SMPD1: variants seen among roughly 807,000 people sequenced by gnomAD.
SMPD1 encodes sphingomyelin phosphodiesterase.
A neutral mutation model predicts 49.7 loss-of-function variants in SMPD1; 47 were observed. The ratio of observed to expected loss-of-function variants is 0.95; its 90% CI spans 0.75 to 1.21. SMPD1 has a LOEUF of 1.21. SMPD1 is among the 50% of genes most tolerant of loss of function. The probability of loss-of-function intolerance (pLI) is 0.00; values close to 1 mark genes in which losing one functional copy is unlikely to be tolerated. For synonymous variants in SMPD1, 336 were observed against 339.6 expected, an observed-to-expected ratio of 0.99 and a Z score of 0.12; for missense variants, 811 against 822.2, an observed-to-expected ratio of 0.99 and a Z score of 0.17.
chr11:6,391,405 G>A lies in SMPD1; in HGVS notation c.340G>A (p.Val114Met), dbSNP rs142215226. 1,077 of 1,612,762 alleles carry A rather than the reference G, an allele frequency of 6.7e-4. No homozygotes were observed. Among genetic ancestry groups the A allele is most frequent in the Middle Eastern group, 3.2e-3 (16 of 5,012 alleles). ...GLKKEPNVAR[V>M]GSVAIKLCNL... The stretch of plus-strand genomic sequence containing the variant: ...GCAGAAGGAACCCAATGTGGCTCGC[G>A]TGGGCTCCGTGGCCATCAAGCTGTG... The change falls in exon 2 of 6, where the codon GTG becomes ATG. Residue 114 changes from valine to methionine, a missense_variant. Physicochemically the swap from Val to Met is conservative, Grantham distance 21. Coordinates refer to ENST00000342245, the MANE Select transcript of SMPD1 (RefSeq NM_000543.5).
At position 6,394,643 on chromosome 11, in the gene SMPD1, T is replaced by G; in HGVS notation, c.*36T>G. On this transcript the variant is annotated 3_prime_UTR_variant, in exon 6 of 6. Coordinates refer to ENST00000342245, the MANE Select transcript of SMPD1 (RefSeq NM_000543.5). ...CCCACATTTGGGAAAGTTCTTGATGTAGGAAAGGGTGAAAAAGCCCAAATG... is the reference window on the plus strand; with the variant it reads ...CCCACATTTGGGAAAGTTCTTGATGGAGGAAAGGGTGAAAAAGCCCAAATG... 6.4e-7 allele frequency: 1 copy of G among 1,567,976 alleles called. No homozygotes were observed. The highest frequency in any genetic ancestry group is 8.7e-7 in the Non-Finnish European group (1 of 1,152,636).
intron 4 of SMPD1, 40 bp from the exon 5 acceptor site, chr11:6,393,856 C>A (rs755781298): frequency 1.1e-5 from 18 of 1,613,050 alleles, no homozygotes; most frequent in African/African-American, 2.7e-5. Context: ...GTCTTCCTAC[C>A]CCTCCCTAGA....
chr11:6,393,147 C>T, intron 2 of SMPD1, 69 bp from the exon 3 acceptor site: 2 of 1,392,586 alleles, frequency 1.4e-6, no homozygotes, highest in Non-Finnish European at 2.0e-6. Flanking sequence ...TTACCCTCCA[C>T]CCAAATGCCC....
At chr11:6,392,424 C>T (rs1195314140) in intron 2 of SMPD1, among the ~76,000 whole-genome samples, 2 of 148,152 alleles carry the variant, frequency 1.3e-5, no homozygotes, top group Non-Finnish European at 1.5e-5. Flanking sequence ...TCAAGCAATC[C>T]TCCCGCCTCG....
rs913533196 is a variant in SMPD1, at chr11:6,390,875, A to G, written c.277A>G (p.Ile93Val). Residue 93 changes from isoleucine (I) to valine (V), a missense_variant, in exon 1 of 6, where the codon ATC becomes GTC. Transcript: ENST00000342245. ...VFGWGNLTCP[I>V]CKGLFTAINL... is the part of the protein sequence containing the mutation. Reference sequence around the variant, plus strand: ...TGGGTGGGGGAACCTCACCTGCCCAATCTGCAAAGGTCTATTCACCGCCAT... The same window carrying G: ...TGGGTGGGGGAACCTCACCTGCCCAGTCTGCAAAGGTCTATTCACCGCCAT... 1.9e-6 allele frequency: 3 copies of G among 1,613,992 alleles called. No individual in the cohort carries two copies. The highest frequency in any genetic ancestry group is 1.3e-5 in the African/African-American group (1 of 74,974).
At position 6,391,471 on chromosome 11, in the gene SMPD1, A is replaced by G. The variant is rs556385880; in HGVS notation, c.406A>G (p.Ile136Val). 6.2e-7 allele frequency: 1 copy of G among 1,613,930 alleles called. No individual in the cohort carries two copies. Among genetic ancestry groups the G allele is most frequent in the Non-Finnish European group, 8.5e-7 (1 of 1,180,022 alleles). ...KIAPPAVCQS[I>V]VHLFEDDMVE... Reference sequence around the variant, plus strand: ...AGCACCACCTGCCGTGTGCCAATCCATTGTCCACCTCTTTGAGGATGACAT... The same window carrying G: ...AGCACCACCTGCCGTGTGCCAATCCGTTGTCCACCTCTTTGAGGATGACAT... Residue 136 changes from isoleucine to valine, a missense_variant, in exon 2 of 6, where the codon ATT (isoleucine) becomes GTT (valine). Transcript: ENST00000342245.
Position 6,391,995 on chromosome 11 carries a change from G to A in SMPD1, c.930G>A (p.Gly310=). ...CAGCACTTGTGAGGAAGTTCCTGGG[G>A]CCAGTGCCAGTGTACCCTGCTGTGG... ...TVTALVRKFL[G]PVPVYPAVGN... Residue 310 remains glycine, a synonymous_variant, in exon 2 of 6, where the codon GGG becomes GGA. Coordinates refer to ENST00000342245, the MANE Select transcript of SMPD1 (RefSeq NM_000543.5). The A allele has an allele frequency of 6.2e-7, 1 of 1,614,218 alleles. No homozygotes were observed. Among genetic ancestry groups the A allele is most frequent in the Non-Finnish European group, 8.5e-7 (1 of 1,180,046 alleles).
intron 1 of SMPD1, 42 bp downstream of exon 1, chr11:6,390,958 T>TGCTGGGGCTGGGG (rs1564922363): frequency 1.2e-6 from 2 of 1,609,258 alleles, no homozygotes; most frequent in Admixed American, 3.3e-5. Flanking sequence ...CCGAAAGGAG[T>TGCTGGGGCTGGGG]GCTGGGGCTG....
At chr11:6,391,042 C>A in intron 1 of SMPD1, 126 bp downstream of exon 1, 1 of 1,268,616 alleles carries the variant, frequency 7.9e-7, no homozygotes, top group South Asian at 1.3e-5. Context: ...TACAATCCAT[C>A]ACTGAGTTTG....
rs757974084 is a variant in SMPD1, at chr11:6,391,499, TGGA to T, written c.437_439del (p.Glu146del). On this transcript the variant is annotated inframe_deletion, in exon 2 of 6. Coordinates refer to ENST00000342245, the MANE Select transcript of SMPD1 (RefSeq NM_000543.5). ...GTCCACCTCTTTGAGGATGACATGG[TGGA>T]GGTGTGGAGACGCTCAGTGCTGAGC... 1.9e-6 allele frequency: 3 copies of T among 1,613,866 alleles called. No homozygotes were observed. In the South Asian group the frequency reaches 3.3e-5, roughly 18 times the overall value.
Position 6,391,448 on chromosome 11 carries a change from C to T in SMPD1, c.383C>T (p.Ala128Val). 3.7e-6 allele frequency: 6 copies of T among 1,613,696 alleles called. No homozygotes were observed. Among genetic ancestry groups the T allele is most frequent in the Non-Finnish European group, 5.1e-6 (6 of 1,180,026 alleles). The change falls in exon 2 of 6, where the codon GCA (alanine) becomes GTA (valine). Residue 128 changes from alanine to valine, a missense_variant. By Grantham distance (64) the Ala-to-Val change is moderately conservative. Transcript: ENST00000342245. ...AIKLCNLLKI[A>V]PPAVCQSIVH... ...AAGCTGTGCAATCTGCTGAAGATAG[C>T]ACCACCTGCCGTGTGCCAATCCATT...
At position 6,394,636 on chromosome 11, in the gene SMPD1, C is replaced by G; in HGVS notation, c.*29C>G. On this transcript the variant is annotated 3_prime_UTR_variant, in exon 6 of 6. Transcript: ENST00000342245. ...CCCAGGGCCCACATTTGGGAAAGTT[C>G]TTGATGTAGGAAAGGGTGAAAAAGC... The G allele has an allele frequency of 6.3e-7, 1 of 1,583,342 alleles. No homozygotes were observed. Among genetic ancestry groups the G allele is most frequent in the Non-Finnish European group, 8.6e-7 (1 of 1,165,912 alleles).
Position 6,391,506 on chromosome 11 carries a change from G to T in SMPD1, c.441G>T (p.Val147=). ...VHLFEDDMVE[V]WRRSVLSPSE... is the part of the protein sequence containing the mutation. The stretch of plus-strand genomic sequence containing the variant: ...TCTTTGAGGATGACATGGTGGAGGT[G>T]TGGAGACGCTCAGTGCTGAGCCCAT... Residue 147 remains valine (V), a synonymous_variant, in exon 2 of 6, where the codon GTG becomes GTT. Coordinates refer to ENST00000342245, the MANE Select transcript of SMPD1 (RefSeq NM_000543.5). 2 of 1,614,080 alleles carry T rather than the reference G, an allele frequency of 1.2e-6. No homozygotes were observed. The highest frequency in any genetic ancestry group is 1.7e-6 in the Non-Finnish European group (2 of 1,180,032).
At position 6,391,055 on chromosome 11, in the gene SMPD1, C is replaced by T. The variant is rs889342100; in HGVS notation, c.318+139C>T. 31 of 1,170,092 alleles carry T rather than the reference C, an allele frequency of 2.6e-5. No homozygotes were observed. The Middle Eastern group carries it at 9.0e-4, about 34-fold the overall frequency. The allele number at this position is 1,170,092 out of a possible 1,614,324, so 72.5% of individuals were successfully genotyped here. ...TCTACAATCCATCACTGAGTTTGCT[C>T]CCCTTTGGGGACACCCATGGCTACA... On this transcript the variant is annotated intron_variant, in intron 1 of 5. Coordinates refer to ENST00000342245, the MANE Select transcript of SMPD1 (RefSeq NM_000543.5).
intron 3 of SMPD1, 91 bp downstream of exon 3, chr11:6,393,478 C>A: frequency 1.4e-6 from 2 of 1,462,392 alleles, no homozygotes; most frequent in South Asian, 1.2e-5. Flanking sequence ...GTTTTATTTT[C>A]CTGGCATTCC....
chr11:6,393,551 T>C, intron 3 of SMPD1, 66 bp from the exon 4 acceptor site: 1 of 1,440,100 alleles, frequency 6.9e-7, no homozygotes, highest in Non-Finnish European at 9.8e-7. Flanking sequence ...TCAGTCCCCC[T>C]TTCTCTAGCC....
chr11:6,392,187 G>C (rs2134013572), intron 2 of SMPD1, 31 bp downstream of exon 2: 7 of 1,613,874 alleles, frequency 4.3e-6, no homozygotes, highest in Non-Finnish European at 5.9e-6. Flanking sequence ...CCCAGGAAGG[G>C]AAAAGAAAGG....
At chr11:6,392,295 C>A in intron 2 of SMPD1, 139 bp downstream of exon 2, 1 of 823,144 alleles carries the variant, frequency 1.2e-6, no homozygotes, top group African/African-American at 1.7e-5. Context: ...TAATCTGACT[C>A]CTCCTTCCCT....
At position 6,390,525 on chromosome 11, in the gene SMPD1, G is replaced by A. The variant is rs756519374; in HGVS notation, c.-74G>A. On this transcript the variant is annotated 5_prime_UTR_variant, in exon 1 of 6. Transcript: ENST00000342245. Reference sequence around the variant, plus strand: ...TCGGGTGTCCCCGGCGCCGCCCGGGGCCCTGAGGGCTGGCTAGGGTCCAGG... The same window carrying A: ...TCGGGTGTCCCCGGCGCCGCCCGGGACCCTGAGGGCTGGCTAGGGTCCAGG... 3.8e-6 allele frequency: 6 copies of A among 1,566,026 alleles called. No individual in the cohort carries two copies. The highest frequency in any genetic ancestry group is 5.2e-6 in the Non-Finnish European group (6 of 1,157,528).
Sources: allele counts gnomAD v4.1 joint callset (sites outside exome capture counted in the v4.1 genomes callset), GRCh38; gene constraint gnomAD v4.1.1; transcripts MANE v1.5; gene names NCBI Gene and HGNC (gene_info 2026-07-23, HGNC 2026-07-21).